LHPP: variants seen among roughly 807,000 people sequenced by gnomAD.
The protein encoded by LHPP is phospholysine phosphohistidine inorganic pyrophosphate phosphatase.
A neutral mutation model predicts 30.3 loss-of-function variants in LHPP; 24 were observed. The ratio of observed to expected loss-of-function variants is 0.79; its 90% confidence interval spans 0.57 to 1.11. The LOEUF (loss-of-function observed/expected upper bound fraction) is 1.11, where lower values mean the gene tolerates loss of function less well. LHPP is among the 50% of genes most tolerant of loss of function. LHPP has a pLI of 0.00. For missense variants in LHPP, 356 were observed against 367.2 expected (o/e 0.97, Z 0.25); for synonymous variants, 150 against 157.1 (o/e 0.95, Z 0.34).
intron 6 of LHPP, among the ~76,000 whole-genome samples, chr10:124,577,894 T>C (rs1948689745): frequency 6.6e-6 from 1 of 152,060 alleles, no homozygotes; most frequent in African/African-American, 2.4e-5. Flanking sequence ...GGCTCTGAGC[T>C]ACCTGAGGTG....
intron 6 of LHPP, among the ~76,000 whole-genome samples, chr10:124,532,376 A>T (rs1031540754): frequency 1.3e-5 from 2 of 152,352 alleles, no homozygotes; most frequent in East Asian, 3.9e-4. Context: ...CAGGTGTGAC[A>T]CACACATGCG....
chr10:124,604,644 G>A lies in LHPP; in HGVS notation c.717-8620G>A, dbSNP rs574837518. ...TCTGATGGAAGGATGCCCCTTGCCC[G>A]GCCTCACTACCTCCACCTCATGAAT... On this transcript the variant is annotated intron_variant, in intron 6 of 6. Coordinates refer to ENST00000368842, the MANE Select transcript of LHPP (RefSeq NM_022126.4). Among the ~76,000 whole-genome samples the A allele has an allele frequency of 4.6e-5, 7 of 152,236 alleles. No individual in the cohort carries two copies. In the East Asian group the frequency reaches 9.7e-4, roughly 21 times the overall value.
At chr10:124,598,627 ATCCG>A (rs1330829539) in intron 6 of LHPP, among the ~76,000 whole-genome samples, 13 of 119,690 alleles carry the variant, frequency 1.1e-4, no homozygotes, top group African/African-American at 4.2e-4. Flanking sequence ...CCATCCACCC[ATCCG>A]TCCGTCCATC....
intron 1 of LHPP, among the ~76,000 whole-genome samples, chr10:124,474,204 A>G (rs554208260): frequency 1.0e-4 from 15 of 144,798 alleles, no homozygotes; most frequent in African/African-American, 3.4e-4. Context: ...CAGTGGCACA[A>G]TCTTGGCTCA....
At chr10:124,570,968 G>A (rs776740467) in intron 6 of LHPP, among the ~76,000 whole-genome samples, 11 of 152,152 alleles carry the variant, frequency 7.2e-5, no homozygotes, top group East Asian at 1.9e-4. Context: ...ATTGAATCAC[G>A]GGGGCAGGTC....
intron 5 of LHPP, chr10:124,498,457 A>G: frequency 1.3e-6 from 2 of 1,493,890 alleles, no homozygotes; most frequent in Non-Finnish European, 1.8e-6. Flanking sequence ...AAGACAGTGT[A>G]ACAGCAAGAT....
At chr10:124,504,776 AT>A (rs1329907335) in intron 5 of LHPP, among the ~76,000 whole-genome samples, 2 of 152,050 alleles carry the variant, frequency 1.3e-5, no homozygotes, top group East Asian at 3.9e-4. Context: ...ATTTTCAGTT[AT>A]TTTCACAGTC....
chr10:124,544,209 G>A (rs945748050), intron 6 of LHPP, among the ~76,000 whole-genome samples: 35 of 142,338 alleles, frequency 2.5e-4, no homozygotes, highest in African/African-American at 8.2e-4. Flanking sequence ...ATCACCCACC[G>A]GGGAGGCCTC....
chr10:124,613,285 G>A lies in LHPP; in HGVS notation c.738G>A (p.Pro246=), dbSNP rs148151742. The change falls in exon 7 of 7, where the codon CCG becomes CCA. Residue 246 remains proline, a synonymous_variant. Coordinates refer to ENST00000368842, the MANE Select transcript of LHPP (RefSeq NM_022126.4). ...CCAGGCCCAGTGACGAGCACCATCCGGAAGTGAAGGCTGATGGGTACGTGG... is the reference window on the plus strand; with the variant it reads ...CCAGGCCCAGTGACGAGCACCATCCAGAAGTGAAGGCTGATGGGTACGTGG... ...GKFRPSDEHH[P]EVKADGYVDN... 335 of 1,613,462 alleles carry A rather than the reference G, an allele frequency of 2.1e-4. 3 individuals carry two copies. The Admixed American group carries it at 5.1e-3, about 24-fold the overall frequency.
intron 6 of LHPP, among the ~76,000 whole-genome samples, chr10:124,580,086 A>G (rs1053186872): frequency 1.3e-5 from 2 of 150,324 alleles, no homozygotes; most frequent in Non-Finnish European, 3.0e-5. Flanking sequence ...TGAATTACCT[A>G]TTCATATCCT....
chr10:124,536,480 C>T (rs1427764807), intron 6 of LHPP, among the ~76,000 whole-genome samples: 1 of 152,202 alleles, frequency 6.6e-6, no homozygotes, highest in African/African-American at 2.4e-5. Flanking sequence ...CTGAGAAAGC[C>T]CCCAGCCCGG....
At chr10:124,525,872 C>A (rs1217000735) in intron 6 of LHPP, among the ~76,000 whole-genome samples, 1 of 152,188 alleles carries the variant, frequency 6.6e-6, no homozygotes, top group Non-Finnish European at 1.5e-5. Flanking sequence ...CCTGAACCCC[C>A]CTGCTGGGCT....
chr10:124,531,502 C>T (rs1227661900), intron 6 of LHPP, among the ~76,000 whole-genome samples: 2 of 152,264 alleles, frequency 1.3e-5, no homozygotes, highest in Non-Finnish European at 2.9e-5. Flanking sequence ...AAGACCCAGT[C>T]CGGGGCCAGG....
At chr10:124,476,992 G>A (rs1297603539) in intron 1 of LHPP, among the ~76,000 whole-genome samples, 1 of 152,196 alleles carries the variant, frequency 6.6e-6, no homozygotes, top group East Asian at 1.9e-4. Context: ...CGGATCACGA[G>A]GTCAGGAGTT....
At chr10:124,585,654 G>A (rs547381229) in intron 6 of LHPP, among the ~76,000 whole-genome samples, 64 of 152,060 alleles carry the variant, frequency 4.2e-4, no homozygotes, top group Non-Finnish European at 6.8e-4. Context: ...AAAAGATAAG[G>A]AGCCTTGCTG....
Position 124,559,512 on chromosome 10 carries a change from G to A in LHPP, c.716+42241G>A, listed in dbSNP as rs1031328347. Among the ~76,000 whole-genome samples the A allele has an allele frequency of 4.6e-5, 7 of 152,256 alleles. 1 individual carries two copies. Among genetic ancestry groups the A allele is most frequent in the South Asian group, 4.1e-4 (2 of 4,832 alleles). On this transcript the variant is annotated intron_variant, in intron 6 of 6. Coordinates refer to ENST00000368842, the MANE Select transcript of LHPP (RefSeq NM_022126.4). ...TTCCCCAGGTCCACACCCTTCCAGC[G>A]AAGTCACATCACAAGTTGTGTGGAA...
chr10:124,582,519 T>A (rs1192896604), intron 6 of LHPP, among the ~76,000 whole-genome samples: 1 of 152,166 alleles, frequency 6.6e-6, no homozygotes, highest in East Asian at 1.9e-4. Flanking sequence ...AACATGGGAG[T>A]TAAGGGTGCT....
chr10:124,479,135 C>T (rs1953048107), intron 1 of LHPP, among the ~76,000 whole-genome samples: 1 of 151,882 alleles, frequency 6.6e-6, no homozygotes, highest in Non-Finnish European at 1.5e-5. Flanking sequence ...TCCCATGGGA[C>T]TCCTGGGGAG....
At chr10:124,498,297 C>T (rs755689860) in intron 5 of LHPP, 169 bp downstream of exon 5, 63 of 1,576,694 alleles carry the variant, frequency 4.0e-5, no homozygotes, top group Admixed American at 9.2e-5. Flanking sequence ...AGACAGCAAA[C>T]GAAATCCACT....
Sources: allele counts gnomAD v4.1 joint callset (sites outside exome capture counted in the v4.1 genomes callset), GRCh38; gene constraint gnomAD v4.1.1; transcripts MANE v1.5; gene names NCBI Gene and HGNC (gene_info 2026-07-23, HGNC 2026-07-21).